PCSK5: variants seen among roughly 807,000 people sequenced by gnomAD.
PCSK5 encodes the protein prohormone convertase 5.
A neutral mutation model predicts 233.2 loss-of-function variants in PCSK5; 129 were observed. The observed-to-expected ratio is 0.55, with a 90% CI of 0.48 to 0.64. The LOEUF (loss-of-function observed/expected upper bound fraction) is 0.64. Ranked by LOEUF, PCSK5 falls within the 30% of genes least tolerant of loss-of-function variation. The pLI, the probability that PCSK5 is intolerant of heterozygous loss-of-function variation, is 0.00. For synonymous variants in PCSK5, 825 were observed against 879.2 expected, an observed-to-expected ratio of 0.94 and a Z score of 1.09; for missense variants, 2,076 against 2,430.1, an observed-to-expected ratio of 0.85 and a Z score of 3.06.
intron 1 of PCSK5, among the ~76,000 whole-genome samples, chr9:75,912,446 T>C (rs959399341): frequency 6.6e-6 from 1 of 152,156 alleles, no homozygotes; most frequent in East Asian, 1.9e-4. Context: ...TTTCACACTT[T>C]CATGTGCACC....
chr9:76,030,797 A>G (rs1208884608), intron 5 of PCSK5, among the ~76,000 whole-genome samples: 1 of 151,808 alleles, frequency 6.6e-6, no homozygotes, highest in Non-Finnish European at 1.5e-5. Context: ...GATTTCTTTT[A>G]AACTTGGCCA....
At chr9:76,302,611 C>T (rs2643334) in intron 28 of PCSK5, among the ~76,000 whole-genome samples, 121,961 of 152,136 alleles carry the variant, frequency 0.8, 49,045 homozygotes, top group East Asian at 0.95. Context: ...TGGTTACCAG[C>T]AGGAGATGAG....
At chr9:76,237,245 T>C (rs548157363) in intron 22 of PCSK5, among the ~76,000 whole-genome samples, 8 of 152,330 alleles carry the variant, frequency 5.3e-5, no homozygotes, top group African/African-American at 1.9e-4. Context: ...TGTTGATCGA[T>C]AGCTATAGAA....
chr9:76,275,428 T>C (rs890251505), intron 24 of PCSK5, among the ~76,000 whole-genome samples: 2 of 152,098 alleles, frequency 1.3e-5, no homozygotes, highest in Non-Finnish European at 2.9e-5. Context: ...GGGGGTTTTT[T>C]GTTTGTTTGT....
chr9:76,292,465 C>T (rs970675387), intron 25 of PCSK5, among the ~76,000 whole-genome samples, 190 bp downstream of exon 25: 2 of 152,176 alleles, frequency 1.3e-5, no homozygotes, highest in African/African-American at 2.4e-5. Flanking sequence ...CGAAAGGAGG[C>T]CATCTCTTTC....
intron 20 of PCSK5, among the ~76,000 whole-genome samples, chr9:76,212,554 C>T (rs1468992696): frequency 1.3e-5 from 2 of 152,244 alleles, no homozygotes; most frequent in African/African-American, 4.8e-5. Flanking sequence ...TTCAATACAT[C>T]TGCTAGATCA....
intron 16 of PCSK5, among the ~76,000 whole-genome samples, chr9:76,182,531 T>TTC (rs1192571777): frequency 6.6e-6 from 1 of 151,094 alleles, no homozygotes; most frequent in East Asian, 1.9e-4. Context: ...GGGGAGTGTT[T>TTC]TTTTTTTCTA....
intron 9 of PCSK5, among the ~76,000 whole-genome samples, chr9:76,121,016 T>C (rs1490247523): frequency 6.6e-6 from 1 of 152,156 alleles, no homozygotes; most frequent in Non-Finnish European, 1.5e-5. Context: ...CATCACAGTA[T>C]TATTTCTATT....
At chr9:75,994,362 T>G (rs2131410565) in intron 3 of PCSK5, among the ~76,000 whole-genome samples, 1 of 144,968 alleles carries the variant, frequency 6.9e-6, no homozygotes, top group South Asian at 2.3e-4. Flanking sequence ...GTTATCCGCC[T>G]CCCAACCTCC....
intron 3 of PCSK5, among the ~76,000 whole-genome samples, chr9:76,023,217 G>A (rs1229081344): frequency 6.6e-6 from 1 of 152,096 alleles, no homozygotes; most frequent in African/African-American, 2.4e-5. Flanking sequence ...AAAGACTTAC[G>A]GTATCAGAAC....
At chr9:76,257,216 C>A (rs1403296165) in intron 24 of PCSK5, among the ~76,000 whole-genome samples, 5 of 152,138 alleles carry the variant, frequency 3.3e-5, no homozygotes, top group African/African-American at 1.2e-4. Flanking sequence ...TCATCTCACC[C>A]CCCAACTCTC....
intron 1 of PCSK5, among the ~76,000 whole-genome samples, chr9:75,927,081 AAT>A (rs1823525604): frequency 6.6e-6 from 1 of 152,180 alleles, no homozygotes; most frequent in African/African-American, 2.4e-5. Flanking sequence ...TCCTATTAGC[AAT>A]ATATGAGAAT....
At chr9:76,278,042 A>G (rs1417230191) in intron 24 of PCSK5, among the ~76,000 whole-genome samples, 1 of 152,158 alleles carries the variant, frequency 6.6e-6, no homozygotes, top group African/African-American at 2.4e-5. Context: ...GGCTGCTTAT[A>G]ATGCTGTCTT....
chr9:75,935,052 CAT>C (rs896482405), intron 2 of PCSK5, among the ~76,000 whole-genome samples: 70 of 152,156 alleles, frequency 4.6e-4, no homozygotes, highest in Middle Eastern at 3.4e-3. Context: ...TCTACACACA[CAT>C]GTACACATTT....
chr9:76,055,912 T>C (rs1236105222), intron 5 of PCSK5, among the ~76,000 whole-genome samples: 1 of 152,184 alleles, frequency 6.6e-6, no homozygotes, highest in East Asian at 1.9e-4. Context: ...AAGGTGGTAA[T>C]ATGATGATGC....
Position 76,006,198 on chromosome 9 carries a change from G to T in PCSK5, c.412-17540G>T, listed in dbSNP as rs1827471714. ...AGGCATTTGAATTACTCTATTTTAG[G>T]TGTTAGATTTTGCTTTGTGAGACAA... is the stretch of plus-strand genomic sequence containing the variant. On this transcript the variant is annotated intron_variant, in intron 3 of 37. Transcript: ENST00000674117. 2.0e-5 allele frequency among the ~76,000 whole-genome samples: 3 copies of T among 151,802 alleles called. No individual in the cohort carries two copies. In the South Asian group the frequency reaches 6.3e-4, roughly 32 times the overall value.
chr9:76,097,284 G>T (rs1472883857), intron 8 of PCSK5, among the ~76,000 whole-genome samples: 3 of 104,272 alleles, frequency 2.9e-5, no homozygotes, highest in South Asian at 7.2e-4. Flanking sequence ...ACGGAGTCTC[G>T]CTCTGTCGCC....
chr9:76,074,636 C>T (rs1830583503), intron 7 of PCSK5, among the ~76,000 whole-genome samples: 1 of 152,152 alleles, frequency 6.6e-6, no homozygotes, highest in South Asian at 2.1e-4. Context: ...TTCTCTCTAA[C>T]CTTATGTAGA....
At chr9:76,015,590 G>A (rs1827915318) in intron 3 of PCSK5, among the ~76,000 whole-genome samples, 1 of 152,192 alleles carries the variant, frequency 6.6e-6, no homozygotes, top group Non-Finnish European at 1.5e-5. Context: ...GAAGAGTGGT[G>A]GATGGGTGAG....
Sources: allele counts gnomAD v4.1 joint callset (sites outside exome capture counted in the v4.1 genomes callset), GRCh38; gene constraint gnomAD v4.1.1; transcripts MANE v1.5; gene names NCBI Gene and HGNC (gene_info 2026-07-23, HGNC 2026-07-21).